RBFOX1: variants seen among roughly 807,000 people sequenced by gnomAD.
RBFOX1 encodes the protein RNA binding fox-1 homolog 1.
A neutral mutation model predicts 57.7 loss-of-function variants in RBFOX1; 8 were observed. The observed-to-expected ratio is 0.14, with a 90% CI of 0.08 to 0.25. The LOEUF (loss-of-function observed/expected upper bound fraction) is 0.25. RBFOX1 is among the 10% of genes least tolerant of loss of function. The probability of loss-of-function intolerance (pLI) is 1.00; values close to 1 mark genes in which losing one functional copy is unlikely to be tolerated. For synonymous variants in RBFOX1, 326 were observed against 222.4 expected, an observed-to-expected ratio of 1.47 and a Z score of -4.15; for missense variants, 611 against 548.5, an observed-to-expected ratio of 1.11 and a Z score of -1.14.
At chr16:5,909,784 G>A (rs917010999) in intron 4 of RBFOX1, among the ~76,000 whole-genome samples, 1 of 152,156 alleles carries the variant, frequency 6.6e-6, no homozygotes, top group Admixed American at 6.5e-5. Context: ...GGGCGTGGTG[G>A]CTCAGGCCTG....
intron 3 of RBFOX1, among the ~76,000 whole-genome samples, chr16:6,668,494 A>G (rs1312399122): frequency 6.6e-6 from 1 of 152,232 alleles, no homozygotes; most frequent in African/African-American, 2.4e-5. Flanking sequence ...TTAACAAGGC[A>G]CTGGTATTTT....
chr16:6,961,135 T>TCACACACTCACACACACACA (rs2082895337), intron 3 of RBFOX1, among the ~76,000 whole-genome samples: 1 of 25,918 alleles, frequency 3.9e-5, no homozygotes, highest in African/African-American at 1.2e-4. Flanking sequence ...AGAGACTCCA[T>TCACACACTCACACACACACA]CACACACACC....
chr16:5,859,680 C>T (rs894886611), intron 3 of RBFOX1, among the ~76,000 whole-genome samples: 1 of 152,182 alleles, frequency 6.6e-6, no homozygotes, highest in African/African-American at 2.4e-5. Context: ...CCATGCCAGG[C>T]ACCTTGAACA....
chr16:6,954,778 G>A (rs1453780546), intron 3 of RBFOX1, among the ~76,000 whole-genome samples: 3 of 152,070 alleles, frequency 2.0e-5, no homozygotes, highest in African/African-American at 4.8e-5. Context: ...CACCTGACTT[G>A]AGCACCCAGT....
At chr16:5,259,321 G>C (rs931117352) in intron 1 of RBFOX1, among the ~76,000 whole-genome samples, 1 of 152,096 alleles carries the variant, frequency 6.6e-6, no homozygotes, top group Admixed American at 6.5e-5. Context: ...ATGATTAGGG[G>C]CTCAGCTAGG....
chr16:6,874,594 G>T (rs1002727107), intron 3 of RBFOX1, among the ~76,000 whole-genome samples: 3 of 150,252 alleles, frequency 2.0e-5, no homozygotes, highest in African/African-American at 7.3e-5. Flanking sequence ...TATTGTAAGT[G>T]AAGTAACTCA....
chr16:7,341,241 A>G (rs572101560), intron 4 of RBFOX1, among the ~76,000 whole-genome samples: 28 of 152,276 alleles, frequency 1.8e-4, no homozygotes, highest in Non-Finnish European at 3.2e-4. Context: ...ATTGAACTCA[A>G]TACTCTGAAG....
chr16:7,243,690 G>A (rs1603440858), intron 4 of RBFOX1, among the ~76,000 whole-genome samples: 1 of 152,156 alleles, frequency 6.6e-6, no homozygotes, highest in Non-Finnish European at 1.5e-5. Context: ...TGGGTTACAG[G>A]CGTGCATCAT....
chr16:5,439,067 C>T (rs953477915), intron 1 of RBFOX1, among the ~76,000 whole-genome samples: 1 of 150,862 alleles, frequency 6.6e-6, no homozygotes, highest in Admixed American at 6.6e-5. Context: ...TTTTGGGAGG[C>T]TTTTCTGGGG....
In RBFOX1 at chr16:6,656,020, G is replaced by C. The variant is rs73529838; in HGVS notation, c.-16+1370G>C. 1.3e-3 allele frequency among the ~76,000 whole-genome samples: 203 copies of C among 152,328 alleles called. 1 individual carries two copies. Among genetic ancestry groups the C allele is most frequent in the African/African-American group, 4.8e-3 (198 of 41,580 alleles). ...TCAATCTGCGTGATCCCAGCTTGCA[G>C]TTTTGTGTTGCTCTAGTTTGCTGGC... On this transcript the variant is annotated intron_variant, in intron 3 of 15. Coordinates refer to ENST00000550418, the MANE Select transcript of RBFOX1 (RefSeq NM_018723.4).
chr16:5,593,019 T>C (rs1334353257), intron 2 of RBFOX1, among the ~76,000 whole-genome samples: 2 of 152,102 alleles, frequency 1.3e-5, no homozygotes, highest in Non-Finnish European at 2.9e-5. Context: ...CAGTGTGAGA[T>C]AGGAAGTCAG....
intron 3 of RBFOX1, among the ~76,000 whole-genome samples, chr16:5,613,457 G>T (rs2047898984): frequency 6.6e-6 from 1 of 152,140 alleles, no homozygotes; most frequent in Admixed American, 6.5e-5. Flanking sequence ...GATGGCACAG[G>T]GTTGCAGCCC....
At chr16:5,631,886 C>G (rs12446059) in intron 3 of RBFOX1, among the ~76,000 whole-genome samples, 28,754 of 152,060 alleles carry the variant, frequency 0.19, 2,789 homozygotes, top group East Asian at 0.28. Flanking sequence ...GGGATGGACA[C>G]TGGGGTGTTC....
intron 3 of RBFOX1, among the ~76,000 whole-genome samples, chr16:6,839,048 G>C (rs1392497859): frequency 2.0e-5 from 3 of 151,736 alleles, no homozygotes; most frequent in Admixed American, 2.0e-4. Context: ...GCAGTGCTGT[G>C]ATCTTGGCTC....
Position 7,241,122 on chromosome 16 carries a change from C to T in RBFOX1, c.27+189024C>T, listed in dbSNP as rs1031437473. Reference sequence around the variant, plus strand: ...AGATTGCCATTTCTGGCTTGAGACCCGAGGCAGAAGTATCCCCTGCATTTG... The same window carrying T: ...AGATTGCCATTTCTGGCTTGAGACCTGAGGCAGAAGTATCCCCTGCATTTG... On this transcript the variant is annotated intron_variant, in intron 4 of 15. Coordinates refer to ENST00000550418, the MANE Select transcript of RBFOX1 (RefSeq NM_018723.4). Among the ~76,000 whole-genome samples the T allele has an allele frequency of 2.6e-5, 4 of 152,228 alleles. No individual in the cohort carries two copies. The East Asian group carries it at 7.7e-4, about 29-fold the overall frequency.
chr16:6,026,789 C>T (rs2095204496), intron 1 of RBFOX1, among the ~76,000 whole-genome samples: 1 of 152,210 alleles, frequency 6.6e-6, no homozygotes. Context: ...CATCTCTGGC[C>T]TCTTTATCTA....
intron 4 of RBFOX1, among the ~76,000 whole-genome samples, chr16:7,319,972 T>TA (rs2096515921): frequency 6.6e-6 from 1 of 152,198 alleles, no homozygotes; most frequent in South Asian, 2.1e-4. Flanking sequence ...AAGGGTTTGT[T>TA]AAAAAATTAA....
At chr16:7,620,866 A>C (rs1010145018) in intron 10 of RBFOX1, among the ~76,000 whole-genome samples, 2 of 152,218 alleles carry the variant, frequency 1.3e-5, no homozygotes, top group African/African-American at 4.8e-5. Context: ...GGGTTTGATA[A>C]GAAAAAGACG....
chr16:7,357,305 T>G (rs543161281), intron 4 of RBFOX1, among the ~76,000 whole-genome samples: 234 of 152,042 alleles, frequency 1.5e-3, no homozygotes, highest in African/African-American at 5.5e-3. Context: ...GTTATCATCA[T>G]TATACTCCCA....
Sources: gnomAD v4.1 joint callset for allele counts (sites outside exome capture counted in the v4.1 genomes callset) on GRCh38, gnomAD v4.1.1 for gene constraint, MANE v1.5 for transcripts, NCBI Gene and HGNC (gene_info 2026-07-23, HGNC 2026-07-21) for gene names.